The following TNR variants were observed in gnomAD, a reference collection of about 807,000 sequenced individuals.
The protein encoded by TNR is tenascin R.
A neutral mutation model predicts 150.4 loss-of-function variants in TNR; 45 were observed. That is an observed-to-expected ratio of 0.30 (90% confidence interval 0.24 to 0.38). The LOEUF (loss-of-function observed/expected upper bound fraction) is 0.38, where lower values mean the gene tolerates loss of function less well. Ranked by LOEUF, TNR falls within the 10% of genes least tolerant of loss-of-function variation. The pLI is 1.00. For missense variants in TNR, 1,544 were observed against 1,759.1 expected, an observed-to-expected ratio of 0.88 and a Z score of 2.19; for synonymous variants, 687 against 678.4, an observed-to-expected ratio of 1.01 and a Z score of -0.20.
At chr1:175,698,837 G>A (rs183230685) in intron 1 of TNR, among the ~76,000 whole-genome samples, 11 of 152,158 alleles carry the variant, frequency 7.2e-5, no homozygotes, top group Middle Eastern at 6.8e-3. Flanking sequence ...AAAAAAGGTG[G>A]TGCTGGCAGT....
chr1:175,684,728 T>C (rs1666138258), intron 1 of TNR, among the ~76,000 whole-genome samples: 1 of 152,198 alleles, frequency 6.6e-6, no homozygotes, highest in Non-Finnish European at 1.5e-5. Flanking sequence ...GAGTGCTCTA[T>C]AGTTAGCTAG....
Position 175,335,795 on chromosome 1 carries a change from G to A in TNR, c.3547C>T (p.Arg1183Trp), listed in dbSNP as rs746255492. 4.3e-6 allele frequency: 7 copies of A among 1,613,832 alleles called. No homozygotes were observed. Among genetic ancestry groups the A allele is most frequent in the Non-Finnish European group, 5.9e-6 (7 of 1,179,932 alleles). ...AAAAAATCAGTTTGGCCATTCTGCC[G>A]CCTCTGGAATACCTATGAAGGAAAT... ...DGGGWIVFQRRQNGQTDFFRK... is the reference protein window; with the variant it reads ...DGGGWIVFQRWQNGQTDFFRK... The change falls in exon 20 of 23, where the codon CGG (arginine) becomes TGG (tryptophan). Residue 1183 changes from arginine (R) to tryptophan (W), a missense_variant. This residue lies in a region of TNR where 290 missense variants were observed against 429.7 expected (regional missense o/e 0.67). Coordinates refer to ENST00000367674, the MANE Select transcript of TNR (RefSeq NM_003285.3).
rs879331691 is a variant in TNR, at chr1:175,315,794, A to G, written c.*7563T>C. ...TGCATGTGCACCTGTGTATGTGTGCATGCATGTGTGTGTGTGCATGTGTGT... is the reference window on the plus strand; with the variant it reads ...TGCATGTGCACCTGTGTATGTGTGCGTGCATGTGTGTGTGTGCATGTGTGT... On this transcript the variant is annotated 3_prime_UTR_variant, in exon 23 of 23. Transcript: ENST00000367674. The G allele has an allele frequency of 1.4e-5, 2 of 142,712 alleles. No individual in the cohort carries two copies. Among genetic ancestry groups the G allele is most frequent in the Non-Finnish European group, 3.0e-5 (2 of 66,172 alleles). The allele number at this position is 142,712 out of a possible 1,614,324, so 8.8% of individuals were successfully genotyped here.
intron 1 of TNR, among the ~76,000 whole-genome samples, chr1:175,530,467 G>A (rs1660019583): frequency 6.6e-6 from 1 of 152,210 alleles, no homozygotes; most frequent in African/African-American, 2.4e-5. Flanking sequence ...CCCAGCAGCT[G>A]CAAAATTGAG....
chr1:175,349,014 A>C (rs1281284678), intron 18 of TNR, among the ~76,000 whole-genome samples: 2 of 152,240 alleles, frequency 1.3e-5, no homozygotes, highest in Non-Finnish European at 2.9e-5. Context: ...CTAATGATTA[A>C]AGACATTCAA....
At chr1:175,637,563 C>A (rs1664523843) in intron 1 of TNR, among the ~76,000 whole-genome samples, 1 of 151,992 alleles carries the variant, frequency 6.6e-6, no homozygotes, top group African/African-American at 2.4e-5. Flanking sequence ...ATAGAGAATC[C>A]CTGAGTAATC....
At chr1:175,670,901 A>T (rs983886093) in intron 1 of TNR, among the ~76,000 whole-genome samples, 1 of 152,210 alleles carries the variant, frequency 6.6e-6, no homozygotes, top group Non-Finnish European at 1.5e-5. Flanking sequence ...GGGCAAGTAC[A>T]AAATCAGGCT....
intron 2 of TNR, among the ~76,000 whole-genome samples, chr1:175,468,897 G>A (rs1377584382): frequency 6.6e-6 from 1 of 152,114 alleles, no homozygotes; most frequent in African/African-American, 2.4e-5. Flanking sequence ...TGGCGGCCTT[G>A]GGGAGGCTGG....
chr1:175,503,657 G>C (rs771770397), intron 2 of TNR, among the ~76,000 whole-genome samples: 1 of 152,194 alleles, frequency 6.6e-6, no homozygotes, highest in Non-Finnish European at 1.5e-5. Flanking sequence ...AGCAGAATGA[G>C]TGCTGTGTGC....
At chr1:175,363,886 C>A (rs2102012441) in intron 12 of TNR, 59 bp from the exon 13 acceptor site, 9 of 1,562,260 alleles carry the variant, frequency 5.8e-6, no homozygotes, top group Middle Eastern at 1.7e-4. Flanking sequence ...AAAAGAAATT[C>A]TCATCCCTGG....
intron 1 of TNR, among the ~76,000 whole-genome samples, chr1:175,613,015 G>A (rs920698404): frequency 8.5e-5 from 13 of 152,184 alleles, no homozygotes; most frequent in Admixed American, 8.5e-4. Context: ...CTTAAAAAAT[G>A]TTTGATAAAT....
intron 1 of TNR, among the ~76,000 whole-genome samples, chr1:175,572,861 T>C (rs1661937709): frequency 6.6e-6 from 1 of 151,984 alleles, no homozygotes; most frequent in Admixed American, 6.6e-5. Flanking sequence ...CTAGATGCCA[T>C]ATGAGTAGAG....
intron 2 of TNR, among the ~76,000 whole-genome samples, chr1:175,434,290 C>T (rs1258177527): frequency 6.6e-6 from 1 of 152,060 alleles, no homozygotes; most frequent in African/African-American, 2.4e-5. Flanking sequence ...GTCGACTGTC[C>T]CTGGGAACAC....
intron 8 of TNR, among the ~76,000 whole-genome samples, chr1:175,381,335 T>G (rs529868148): frequency 3.0e-4 from 46 of 152,358 alleles, no homozygotes; most frequent in African/African-American, 1.1e-3. Flanking sequence ...TTCTACCTAG[T>G]GCTCTTCACA....
chr1:175,580,723 C>T (rs1662319971), intron 1 of TNR, among the ~76,000 whole-genome samples: 1 of 152,210 alleles, frequency 6.6e-6, no homozygotes, highest in South Asian at 2.1e-4. Context: ...ATCTTATTTA[C>T]ATGAGAGAAG....
rs118156500 is a variant in TNR, at chr1:175,644,102, A to T, written c.-165+99124T>A. Among the ~76,000 whole-genome samples the T allele has an allele frequency of 4.2e-4, 64 of 152,378 alleles. No homozygotes were observed. The East Asian group carries it at 0.012, about 28-fold the overall frequency. ...AATGTGTATTGCCTAATATGTTAAT[A>T]GTATGCATGTGATGAGAGATTGTTA... On this transcript the variant is annotated intron_variant, in intron 1 of 22. Transcript: ENST00000367674.
chr1:175,399,547 T>C (rs1040746369), intron 4 of TNR, among the ~76,000 whole-genome samples: 1 of 152,242 alleles, frequency 6.6e-6, no homozygotes, highest in Non-Finnish European at 1.5e-5. Context: ...GGTGGCTCAA[T>C]GGAGGAGACC....
intron 2 of TNR, among the ~76,000 whole-genome samples, chr1:175,508,665 A>C (rs922472973): frequency 1.3e-5 from 2 of 152,188 alleles, no homozygotes; most frequent in Non-Finnish European, 2.9e-5. Flanking sequence ...TGTGCGTGGG[A>C]GCAAATCTTT....
At chr1:175,403,721 T>C (rs1653827937) in intron 3 of TNR, 105 bp from the exon 4 acceptor site, 4 of 949,250 alleles carry the variant, frequency 4.2e-6, no homozygotes, top group Non-Finnish European at 4.8e-6. Context: ...TGACCAGATT[T>C]CTGTTGCTGA....
Sources: gnomAD v4.1 joint callset for allele counts (sites outside exome capture counted in the v4.1 genomes callset) on GRCh38, gnomAD v4.1.1 for gene constraint, gnomAD v4.1.1 regional missense constraint, MANE v1.5 for transcripts, NCBI Gene and HGNC (gene_info 2026-07-23, HGNC 2026-07-21) for gene names.